ABLIM2: variants seen among roughly 807,000 people sequenced by gnomAD.
The protein encoded by ABLIM2 is actin binding LIM protein family member 2.
Under a neutral mutation model 97.7 loss-of-function variants are expected in ABLIM2, and 53 were observed. The observed-to-expected ratio is 0.54, with a 90% CI of 0.44 to 0.68. The LOEUF is 0.68. Ranked by LOEUF, ABLIM2 falls within the 30% of genes least tolerant of loss-of-function variation. The probability of loss-of-function intolerance (pLI) is 0.00; values close to 1 mark genes in which losing one functional copy is unlikely to be tolerated. For synonymous variants in ABLIM2, 361 were observed against 345.8 expected (o/e 1.04, Z -0.49); for missense variants, 835 against 867.2 (o/e 0.96, Z 0.47).
intron 1 of ABLIM2, among the ~76,000 whole-genome samples, chr4:8,109,274 C>T (rs1481794368): frequency 2.6e-5 from 4 of 152,222 alleles, no homozygotes; most frequent in Non-Finnish European, 5.9e-5. Flanking sequence ...GCATGGCCCA[C>T]CTGGTTGCAG....
intron 1 of ABLIM2, among the ~76,000 whole-genome samples, chr4:8,107,632 C>T (rs1838130959): frequency 6.6e-6 from 1 of 152,094 alleles, no homozygotes; most frequent in East Asian, 1.9e-4. Flanking sequence ...AGGCTCAGAC[C>T]CCAGGGCAGG....
chr4:8,142,167 CA>C, intron 1 of ABLIM2, among the ~76,000 whole-genome samples: 2 of 152,342 alleles, frequency 1.3e-5, no homozygotes, highest in East Asian at 3.9e-4. Context: ...GGATCTGGGA[CA>C]GCAAGGGCCA....
chr4:7,998,105 T>G lies in ABLIM2; in HGVS notation c.1619-5178A>C, dbSNP rs1338666255. ...CATGTTGATCGGGCTCGTCTTCAACTCCTGATCTCAGGTGATCTGATCCGT... is the reference window on the plus strand; with the variant it reads ...CATGTTGATCGGGCTCGTCTTCAACGCCTGATCTCAGGTGATCTGATCCGT... On this transcript the variant is annotated intron_variant, in intron 16 of 20. Coordinates refer to ENST00000447017, the MANE Select transcript of ABLIM2 (RefSeq NM_001130083.2). The surrounding 1 kb of genome is among the most constrained non-coding windows in gnomAD (Gnocchi z 6.4). 6.6e-6 allele frequency among the ~76,000 whole-genome samples: 1 copy of G among 152,044 alleles called. No homozygotes were observed. Among genetic ancestry groups the G allele is most frequent in the Non-Finnish European group, 1.5e-5 (1 of 68,018 alleles).
intron 1 of ABLIM2, among the ~76,000 whole-genome samples, chr4:8,154,494 A>C (rs112916124): frequency 1.4e-3 from 193 of 138,406 alleles, no homozygotes; most frequent in Middle Eastern, 4.2e-3. Flanking sequence ...GTTGGCCAGG[A>C]TGGTCTCAAT....
chr4:8,100,545 G>T (rs776705850), intron 2 of ABLIM2, among the ~76,000 whole-genome samples: 17 of 152,056 alleles, frequency 1.1e-4, no homozygotes, highest in Admixed American at 3.9e-4. Context: ...TCAGGAGTTC[G>T]AGACTAGCCT....
At chr4:8,016,084 G>A (rs181963797) in intron 14 of ABLIM2, among the ~76,000 whole-genome samples, 101 of 126,930 alleles carry the variant, frequency 8.0e-4, no homozygotes, top group African/African-American at 2.9e-3. Context: ...TCACTCTGTC[G>A]CCCAGGCTGG....
chr4:8,000,528 G>A (rs566945388), intron 16 of ABLIM2, among the ~76,000 whole-genome samples: 248 of 152,270 alleles, frequency 1.6e-3, no homozygotes, highest in Non-Finnish European at 2.6e-3. Context: ...AGCAAGTGAC[G>A]GGCTGGGATT....
chr4:8,048,833 C>T (rs1794227558), intron 8 of ABLIM2, among the ~76,000 whole-genome samples: 2 of 152,194 alleles, frequency 1.3e-5, no homozygotes, highest in African/African-American at 4.8e-5. Flanking sequence ...TGAAGTCACC[C>T]AGCCCCTGGC....
rs1757064871 is a variant in ABLIM2, at chr4:8,001,363, A to G, written c.1618+6696T>C. Among the ~76,000 whole-genome samples the G allele has an allele frequency of 6.6e-6, 1 of 152,106 alleles. No homozygotes were observed. Among genetic ancestry groups the G allele is most frequent in the Non-Finnish European group, 1.5e-5 (1 of 67,980 alleles). The stretch of plus-strand genomic sequence containing the variant: ...CACCCTGTTCAGTCCCTAGGTGTGG[A>G]TAAGCCTGCTGGGCAGGGGGAGGTG... On this transcript the variant is annotated intron_variant, in intron 16 of 20. Coordinates refer to ENST00000447017, the MANE Select transcript of ABLIM2 (RefSeq NM_001130083.2). The surrounding 1 kb of genome is among the most constrained non-coding windows in gnomAD (Gnocchi z 4.2).
At chr4:8,110,868 C>T (rs923003294) in intron 1 of ABLIM2, among the ~76,000 whole-genome samples, 1 of 152,194 alleles carries the variant, frequency 6.6e-6, no homozygotes, top group Admixed American at 6.5e-5. Flanking sequence ...AGGCTTCCCT[C>T]CAGCTGGCCC....
chr4:8,088,449 G>A (rs942952960), intron 3 of ABLIM2, among the ~76,000 whole-genome samples, 165 bp from the exon 4 acceptor site: 4 of 152,256 alleles, frequency 2.6e-5, no homozygotes, highest in African/African-American at 4.8e-5. Context: ...GCACTGCTGC[G>A]TCCCCGCAAT....
At position 8,154,920 on chromosome 4, in the gene ABLIM2, T is replaced by C. The variant is rs577167664; in HGVS notation, c.10+3760A>G. 8.6e-4 allele frequency among the ~76,000 whole-genome samples: 131 copies of C among 152,342 alleles called. 1 individual carries two copies. Among genetic ancestry groups the C allele is most frequent in the Admixed American group, 5.6e-3 (85 of 15,302 alleles). ...AAGACGAAGGAGGGGCAAAGGGACG[T>C]CTCACATGGCAGCAGGCAAGAGAGC... On this transcript the variant is annotated intron_variant, in intron 1 of 20. Coordinates refer to ENST00000447017, the MANE Select transcript of ABLIM2 (RefSeq NM_001130083.2).
chr4:8,141,202 G>C (rs56033663), intron 1 of ABLIM2, among the ~76,000 whole-genome samples: 2 of 150,778 alleles, frequency 1.3e-5, no homozygotes, highest in African/African-American at 4.9e-5. Context: ...CCCACCCCCC[G>C]GAGCCCTAAG....
intron 9 of ABLIM2, among the ~76,000 whole-genome samples, chr4:8,039,545 T>G (rs1249734405): frequency 2.0e-5 from 3 of 152,226 alleles, no homozygotes; most frequent in East Asian, 1.9e-4. Flanking sequence ...GGAAGGTCTC[T>G]GGAGTGTGTG....
intron 4 of ABLIM2, among the ~76,000 whole-genome samples, chr4:8,081,234 G>A (rs1271103299): frequency 1.3e-5 from 2 of 152,090 alleles, no homozygotes; most frequent in South Asian, 2.1e-4. Flanking sequence ...GAGCTCTCCC[G>A]CCACACCCAG....
rs761518094 is a variant in ABLIM2 at position 8,088,255 on chromosome 4, G to T, written c.368C>A (p.Thr123Asn). Residue 123 changes from threonine to asparagine, a missense_variant, in exon 4 of 21, where the codon ACC becomes AAC. Transcript: ENST00000447017. ...RLPFPPGDRVTFNGKECMCQK... is the reference protein window; with the variant it reads ...RLPFPPGDRVNFNGKECMCQK... ...GCACATGCATTCCTTCCCGTTGAAG[G>T]TCACTCGGTCCCCGGGGGGGAAGGG... The T allele has an allele frequency of 6.2e-7, 1 of 1,612,928 alleles. No individual in the cohort carries two copies. Among genetic ancestry groups the T allele is most frequent in the Non-Finnish European group, 8.5e-7 (1 of 1,179,558 alleles).
rs1849195391 is a variant in ABLIM2, at chr4:8,130,438, G to A, written c.11-23801C>T. The stretch of plus-strand genomic sequence containing the variant: ...CTTGGCTCAAGACCAACAACTGCAG[G>A]GGCTATGGCAGGGAGAGTGGACGCC... On this transcript the variant is annotated intron_variant, in intron 1 of 20. Transcript: ENST00000447017. The surrounding 1 kb of genome is among the most constrained non-coding windows in gnomAD (Gnocchi z 4.2). Among the ~76,000 whole-genome samples, 1 of 152,200 alleles carries A rather than the reference G, an allele frequency of 6.6e-6. No individual in the cohort carries two copies. The highest frequency in any genetic ancestry group is 2.4e-5 in the African/African-American group (1 of 41,450).
At chr4:8,114,370 C>G (rs2152815736) in intron 1 of ABLIM2, among the ~76,000 whole-genome samples, 1 of 152,332 alleles carries the variant, frequency 6.6e-6, no homozygotes, top group East Asian at 1.9e-4. Context: ...GGCACGCACA[C>G]TTTGCATCCT....
intron 1 of ABLIM2, among the ~76,000 whole-genome samples, chr4:8,153,724 CTCT>C (rs1199683777): frequency 2.7e-5 from 4 of 148,150 alleles, no homozygotes; most frequent in African/African-American, 1.1e-4. Flanking sequence ...AGAGTGTGCT[CTCT>C]TCTTTCCATT....
Sources: gnomAD v4.1 joint callset for allele counts (sites outside exome capture counted in the v4.1 genomes callset) on GRCh38, gnomAD v4.1.1 for gene constraint, Gnocchi (gnomAD v3.1) non-coding constraint, MANE v1.5 for transcripts, NCBI Gene and HGNC (gene_info 2026-07-23, HGNC 2026-07-21) for gene names.